Variants in SPAST observed in about 807,000 individuals in gnomAD.
The protein encoded by SPAST is spastic paraplegia 4 (autosomal dominant; spastin).
SPAST carries 30 observed loss-of-function variants against 76.6 expected under a neutral mutation model. The ratio of observed to expected loss-of-function variants is 0.39; its 90% confidence interval spans 0.29 to 0.53. The LOEUF (loss-of-function observed/expected upper bound fraction) is 0.53. Ranked by LOEUF, SPAST falls within the 20% of genes least tolerant of loss-of-function variation. The pLI is 0.68. For missense variants in SPAST, 717 were observed against 770.5 expected, an observed-to-expected ratio of 0.93 and a Z score of 0.82; for synonymous variants, 305 against 281.0, an observed-to-expected ratio of 1.09 and a Z score of -0.86.
intron 7 of SPAST, among the ~76,000 whole-genome samples, chr2:32,121,711 T>A (rs555591721): frequency 1.3e-5 from 2 of 151,556 alleles, no homozygotes; most frequent in East Asian, 3.9e-4. Flanking sequence ...GCCCGGCTAA[T>A]TGTTGTATTT....
At chr2:32,143,307 C>G (rs767017608) in intron 13 of SPAST, 29 bp from the exon 14 acceptor site, 3 of 1,252,284 alleles carry the variant, frequency 2.4e-6, no homozygotes. Flanking sequence ...TGAAATTAGA[C>G]TGAATGATCA....
intron 3 of SPAST, among the ~76,000 whole-genome samples, chr2:32,091,245 C>CTAT (rs139735937): frequency 0.037 from 4,692 of 126,810 alleles, 94 homozygotes; most frequent in Middle Eastern, 0.07. Context: ...TAATATGAAG[C>CTAT]TATTATTATT....
At chr2:32,072,867 C>G (rs1448089402) in intron 1 of SPAST, among the ~76,000 whole-genome samples, 1 of 152,130 alleles carries the variant, frequency 6.6e-6, no homozygotes, top group African/African-American at 2.4e-5. Context: ...CCTAATGATT[C>G]TACTTTGAAG....
intron 9 of SPAST, among the ~76,000 whole-genome samples, chr2:32,134,991 C>T (rs1472451683): frequency 1.3e-5 from 2 of 152,034 alleles, no homozygotes; most frequent in South Asian, 2.1e-4. Flanking sequence ...CCACCGCACC[C>T]GGCCTCTAGC....
intron 1 of SPAST, among the ~76,000 whole-genome samples, chr2:32,083,762 A>ATTTTTTTTTTTTT (rs1677350861): frequency 2.3e-5 from 1 of 43,018 alleles, no homozygotes; most frequent in Non-Finnish European, 4.5e-5. Context: ...ATATATATAT[A>ATTTTTTTTTTTTT]TATATATATA....
intron 4 of SPAST, among the ~76,000 whole-genome samples, chr2:32,110,275 C>G (rs190392201): frequency 6.7e-6 from 1 of 148,878 alleles, no homozygotes; most frequent in Non-Finnish European, 1.5e-5. Flanking sequence ...CGTGGCACCA[C>G]GCCAGGCTAA....
At chr2:32,068,858 GCACTCC>G (rs1203898480) in intron 1 of SPAST, among the ~76,000 whole-genome samples, 1 of 150,004 alleles carries the variant, frequency 6.7e-6, no homozygotes, top group Non-Finnish European at 1.5e-5. Flanking sequence ...CTCACCCATT[GCACTCC>G]TGCCTGGGTG....
intron 8 of SPAST, chr2:32,127,655 CT>C (rs201369526): frequency 0.011 from 1,616 of 141,192 alleles, 20 homozygotes; most frequent in African/African-American, 0.031. Context: ...TATGTTATAG[CT>C]TTTTTTTTTT....
intron 1 of SPAST, among the ~76,000 whole-genome samples, chr2:32,065,067 T>C (rs1676455502): frequency 6.6e-6 from 1 of 152,020 alleles, no homozygotes; most frequent in Non-Finnish European, 1.5e-5. Flanking sequence ...TCGCCCAAGC[T>C]GGAGTGCAAT....
At chr2:32,088,485 A>G (rs541259307) in intron 2 of SPAST, among the ~76,000 whole-genome samples, 6 of 152,292 alleles carry the variant, frequency 3.9e-5, no homozygotes, top group African/African-American at 1.2e-4. Context: ...TCTCTACTAA[A>G]AATTCAAAAT....
At chr2:32,148,360 T>C (rs1679962343) in intron 16 of SPAST, among the ~76,000 whole-genome samples, 1 of 152,102 alleles carries the variant, frequency 6.6e-6, no homozygotes, top group African/African-American at 2.4e-5. Flanking sequence ...CAAATCATAT[T>C]ACATAAATAC....
chr2:32,128,558 T>G, intron 9 of SPAST, 79 bp downstream of exon 9: 1 of 932,232 alleles, frequency 1.1e-6, no homozygotes, highest in East Asian at 2.5e-5. Flanking sequence ...ATGGTAATAT[T>G]TCATGAAAAT....
intron 3 of SPAST, among the ~76,000 whole-genome samples, chr2:32,095,638 C>T (rs904777272): frequency 2.1e-4 from 32 of 151,592 alleles, no homozygotes; most frequent in Admixed American, 2.1e-3. Context: ...ACTTGGGAGG[C>T]TGAGGCAGGA....
intron 12 of SPAST, among the ~76,000 whole-genome samples, chr2:32,140,962 TA>T (rs1361490311): frequency 7.0e-6 from 1 of 143,004 alleles, no homozygotes; most frequent in Non-Finnish European, 1.5e-5. Flanking sequence ...TTTTTTTTTT[TA>T]AATGAGCCCT....
chr2:32,127,059 A>G (rs1186480664), intron 8 of SPAST, 37 bp downstream of exon 8: 6 of 1,356,954 alleles, frequency 4.4e-6, no homozygotes, highest in South Asian at 1.2e-5. Context: ...TTCTGTTGAG[A>G]TATTTGGGAT....
chr2:32,080,108 G>A (rs990667158), intron 1 of SPAST, among the ~76,000 whole-genome samples: 3 of 152,120 alleles, frequency 2.0e-5, no homozygotes, highest in African/African-American at 7.2e-5. Context: ...TAAAATAATA[G>A]TCATCCTAAA....
chr2:32,142,048 A>G, intron 13 of SPAST, 102 bp downstream of exon 13: 1 of 927,338 alleles, frequency 1.1e-6, no homozygotes. Flanking sequence ...TACTTTGGAA[A>G]ACAGTTTAGT....
chr2:32,126,872 G>A, intron 7 of SPAST, 76 bp from the exon 8 acceptor site: 1 of 938,582 alleles, frequency 1.1e-6, no homozygotes, highest in Non-Finnish European at 1.7e-6. Context: ...CTGAAAAAAG[G>A]ATGCTTTTTA....
At chr2:32,103,630 T>A (rs1471470937) in intron 4 of SPAST, among the ~76,000 whole-genome samples, 2 of 152,212 alleles carry the variant, frequency 1.3e-5, no homozygotes, top group East Asian at 3.8e-4. Context: ...CTCTACACAC[T>A]ACTTTAAATG....
Sources: allele counts gnomAD v4.1 joint callset (sites outside exome capture counted in the v4.1 genomes callset), GRCh38; gene constraint gnomAD v4.1.1; transcripts MANE v1.5; gene names NCBI Gene and HGNC (gene_info 2026-07-23, HGNC 2026-07-21).